SIGLEC6: variants seen among roughly 807,000 people sequenced by gnomAD.
SIGLEC6 encodes the protein sialic acid binding Ig like lectin 6.
Under a neutral mutation model 41.4 loss-of-function variants are expected in SIGLEC6, and 31 were observed. That is an observed-to-expected ratio of 0.75 (90% CI 0.56 to 1.01). The LOEUF is 1.01. Among genes scored for constraint, SIGLEC6 ranks in the 50% least tolerant of loss-of-function variants. The pLI is 0.00. For missense variants in SIGLEC6, 555 were observed against 558.6 expected (o/e 0.99, Z 0.06); for synonymous variants, 217 against 231.0 (o/e 0.94, Z 0.55).
chr19:51,524,038 T>C (rs937963902), intron 7 of SIGLEC6, among the ~76,000 whole-genome samples: 21 of 151,366 alleles, frequency 1.4e-4, no homozygotes, highest in African/African-American at 5.1e-4. Flanking sequence ...AAAAAAGTAG[T>C]AATATTTTAA....
intron 7 of SIGLEC6, among the ~76,000 whole-genome samples, chr19:51,524,820 G>A (rs1978927251): frequency 6.6e-6 from 1 of 152,208 alleles, no homozygotes; most frequent in African/African-American, 2.4e-5. Flanking sequence ...GACCCGGAGA[G>A]CAGAGAAGAA....
At chr19:51,527,236 G>A (rs2864105) in intron 7 of SIGLEC6, among the ~76,000 whole-genome samples, 133,521 of 152,170 alleles carry the variant, frequency 0.88, 58,954 homozygotes, top group African/African-American at 0.95. Context: ...CCCAAGACAC[G>A]CAGTCATCAG....
chr19:51,530,024 G>A (rs545940881), intron 4 of SIGLEC6, 43 bp from the exon 5 acceptor site: 1 of 1,535,138 alleles, frequency 6.5e-7, no homozygotes, highest in African/African-American at 1.4e-5. Flanking sequence ...GGGGTATAGG[G>A]GCAAAGCACT....
chr19:51,523,909 G>C (rs906497172), intron 7 of SIGLEC6, among the ~76,000 whole-genome samples: 1 of 152,166 alleles, frequency 6.6e-6, no homozygotes, highest in African/African-American at 2.4e-5. Context: ...TGTAATCCCA[G>C]CCACTCGGGA....
At chr19:51,527,902 CTCCCT>C in intron 6 of SIGLEC6, 74 bp from the exon 7 acceptor site, 2 of 1,421,108 alleles carry the variant, frequency 1.4e-6, no homozygotes, top group Non-Finnish European at 2.0e-6. Context: ...CATCTCCCCA[CTCCCT>C]ATGGAGAGTA....
intron 7 of SIGLEC6, among the ~76,000 whole-genome samples, chr19:51,527,323 A>G (rs2122397714): frequency 6.6e-6 from 1 of 152,326 alleles, no homozygotes; most frequent in Middle Eastern, 3.4e-3. Context: ...AGTGATGAGC[A>G]GTAATGACTT....
intron 7 of SIGLEC6, among the ~76,000 whole-genome samples, chr19:51,526,725 C>G (rs987790309): frequency 4.6e-5 from 7 of 152,092 alleles, no homozygotes; most frequent in Non-Finnish European, 1.0e-4. Flanking sequence ...ACGAAAAATT[C>G]AGAATCTGGA....
chr19:51,527,223 A>T (rs1157523289), intron 7 of SIGLEC6, among the ~76,000 whole-genome samples: 1 of 152,196 alleles, frequency 6.6e-6, no homozygotes, highest in Non-Finnish European at 1.5e-5. Flanking sequence ...TAAGACAACC[A>T]TTCCCAAGAC....
Position 51,530,830 on chromosome 19 carries a change from G to T in SIGLEC6, c.557C>A (p.Ala186Asp). ...TPPIFSWMSA[A>D]PTSLGPRTTQ... Reference sequence around the variant, plus strand: ...GGTCCTGGGGCCCAGGGAGGTGGGGGCAGCTGACATCCAGGAGAAGATGGG... The same window carrying T: ...GGTCCTGGGGCCCAGGGAGGTGGGGTCAGCTGACATCCAGGAGAAGATGGG... Residue 186 changes from alanine to aspartate, a missense_variant, in exon 3 of 8, where the codon GCC (alanine) becomes GAC (aspartate). Ala to Asp is a moderately radical substitution (Grantham distance 126). Transcript: ENST00000425629. 6.2e-7 allele frequency: 1 copy of T among 1,614,048 alleles called. No homozygotes were observed. Among genetic ancestry groups the T allele is most frequent in the Non-Finnish European group, 8.5e-7 (1 of 1,180,000 alleles).
At chr19:51,531,127 C>T (rs776254710) in intron 2 of SIGLEC6, 33 bp downstream of exon 2, 1 of 1,560,992 alleles carries the variant, frequency 6.4e-7, no homozygotes, top group Admixed American at 1.9e-5. Context: ...CCATGACCTT[C>T]CCCTGTGGCT....
Position 51,531,236 on chromosome 19 carries a change from A to G in SIGLEC6, c.351T>C (p.Ala117=). The G allele has an allele frequency of 6.2e-7, 1 of 1,613,950 alleles. No homozygotes were observed. ...TGGACTTCAACCGAAAGAAGTATGC[A>G]GCATTGTCCCTCCTCCGGGCATCTC... ...SIRDARRRDN[A]AYFFRLKSKW... The change falls in exon 2 of 8, where the codon GCT becomes GCC. Residue 117 remains alanine (A), a synonymous_variant. Coordinates refer to ENST00000425629, the MANE Select transcript of SIGLEC6 (RefSeq NM_001245.7).
chr19:51,529,924 C>T lies in SIGLEC6; in HGVS notation c.812G>A (p.Arg271Gln), dbSNP rs777034709. The part of the protein sequence containing the change: ...SLPVLEGQAL[R>Q]LLCDADGNPP... ...GTTGCCGTCAGCATCACAGAGCAGCCGCAGAGCCTGGCCCTCCAGGACAGG... is the reference window on the plus strand; with the variant it reads ...GTTGCCGTCAGCATCACAGAGCAGCTGCAGAGCCTGGCCCTCCAGGACAGG... The change falls in exon 5 of 8, where the codon CGG (arginine) becomes CAG (glutamine). Residue 271 changes from arginine to glutamine, a missense_variant. Physicochemically the swap from Arg to Gln is conservative, Grantham distance 43. Coordinates refer to ENST00000425629, the MANE Select transcript of SIGLEC6 (RefSeq NM_001245.7). 8.7e-6 allele frequency: 14 copies of T among 1,612,846 alleles called. No individual in the cohort carries two copies. The highest frequency in any genetic ancestry group is 3.3e-5 in the South Asian group (3 of 91,034).
At chr19:51,520,323 G>T in intron 7 of SIGLEC6, 68 bp from the exon 8 acceptor site, 1 of 1,109,490 alleles carries the variant, frequency 9.0e-7, no homozygotes, top group Non-Finnish European at 1.3e-6. Flanking sequence ...CCAAGGATCA[G>T]AAAGGGAGTA....
rs867718306 is a variant in SIGLEC6 at position 51,521,461 on chromosome 19, T to C, written c.1189-1206A>G. ...GAGATTTATGTTCCACTCATGTCTT[T>C]CCTCCATCATTGGGATAATATATTC... On this transcript the variant is annotated intron_variant, in intron 7 of 7. Coordinates refer to ENST00000425629, the MANE Select transcript of SIGLEC6 (RefSeq NM_001245.7). Among the ~76,000 whole-genome samples the C allele has an allele frequency of 2.0e-5, 3 of 152,274 alleles. No individual in the cohort carries two copies. In the South Asian group the frequency reaches 6.2e-4, roughly 32 times the overall value.
At chr19:51,526,211 TGGGCTCACCACG>T (rs1260732035) in intron 7 of SIGLEC6, among the ~76,000 whole-genome samples, 1 of 152,182 alleles carries the variant, frequency 6.6e-6, no homozygotes, top group Non-Finnish European at 1.5e-5. Context: ...ACAAAATGCC[TGGGCTCACCACG>T]GGGCTGTAGT....
chr19:51,523,333 C>T (rs962145313), intron 7 of SIGLEC6, among the ~76,000 whole-genome samples: 8 of 152,136 alleles, frequency 5.3e-5, no homozygotes, highest in African/African-American at 1.9e-4. Context: ...CTTCATTGGC[C>T]TGTGGGACAA....
Position 51,518,199 on chromosome 19 carries a change from T to C in SIGLEC6, c.*1883A>G, listed in dbSNP as rs1454402871. 6.6e-6 allele frequency among the ~76,000 whole-genome samples: 1 copy of C among 152,224 alleles called. No homozygotes were observed. Among genetic ancestry groups the C allele is most frequent in the Non-Finnish European group, 1.5e-5 (1 of 68,036 alleles). ...ATTTCACTTTCAGTCTTAAAATGTG[T>C]TTTCATTGAGTAGGCTTTCTAAAAC... is the stretch of plus-strand genomic sequence containing the variant. On this transcript the variant is annotated 3_prime_UTR_variant, in exon 8 of 8. Transcript: ENST00000425629.
At position 51,520,009 on chromosome 19, in the gene SIGLEC6, G is replaced by C. The variant is rs751660142; in HGVS notation, c.*73C>G. On this transcript the variant is annotated 3_prime_UTR_variant, in exon 8 of 8. Coordinates refer to ENST00000425629, the MANE Select transcript of SIGLEC6 (RefSeq NM_001245.7). ...CACTCGGTTTGTGGTACATTGCTGT[G>C]GCAGCCCTAGTAACCAATACACTGA... is the stretch of plus-strand genomic sequence containing the variant. 2 of 1,282,486 alleles carry C rather than the reference G, an allele frequency of 1.6e-6. No homozygotes were observed. Among genetic ancestry groups the C allele is most frequent in the Non-Finnish European group, 2.1e-6 (2 of 943,660 alleles). 79.4% of individuals were successfully genotyped at this position (1,282,486 alleles called of 1,614,324 possible). A position where few individuals can be genotyped will look rare whatever the true frequency, so the allele number is the denominator to read the frequency against.
rs1315916424 is a variant in SIGLEC6, at chr19:51,529,424, A to T, written c.1012+300T>A. ...TCTGGGCCTCAAAGCTGAGCCTGAG[A>T]CTTGAGCTGAATCCCTGGCAGGGGC... On this transcript the variant is annotated intron_variant, in intron 5 of 7. Transcript: ENST00000425629. 4 of 431,630 alleles carry T rather than the reference A, an allele frequency of 9.3e-6. No individual in the cohort carries two copies. In the South Asian group the frequency reaches 9.5e-5, roughly 10 times the overall value. The allele number at this position is 431,630 out of a possible 1,614,324, so 26.7% of individuals were successfully genotyped here. A position where few individuals can be genotyped will look rare whatever the true frequency, so the allele number is the denominator to read the frequency against.
Sources: gnomAD v4.1 joint callset for allele counts (sites outside exome capture counted in the v4.1 genomes callset) on GRCh38, gnomAD v4.1.1 for gene constraint, MANE v1.5 for transcripts, NCBI Gene and HGNC (gene_info 2026-07-23, HGNC 2026-07-21) for gene names.